The following ZFHX3 variants were observed in gnomAD, a reference collection of about 807,000 sequenced individuals.
ZFHX3 encodes zinc finger homeobox protein 3.
A neutral mutation model predicts 279.1 loss-of-function variants in ZFHX3; 42 were observed. The ratio of observed to expected loss-of-function variants is 0.15; its 90% CI spans 0.12 to 0.19. ZFHX3 has a LOEUF of 0.19. Among genes scored for constraint, ZFHX3 ranks in the 10% least tolerant of loss-of-function variants. The pLI is 1.00. For synonymous variants in ZFHX3, 2,293 were observed against 1,957.8 expected (o/e 1.17, Z -4.52); for missense variants, 4,981 against 4,754.0 (o/e 1.05, Z -1.40).
intron 1 of ZFHX3, among the ~76,000 whole-genome samples, chr16:73,779,036 G>A (rs1959358406): frequency 6.6e-6 from 1 of 151,884 alleles, no homozygotes; most frequent in Non-Finnish European, 1.5e-5. Context: ...AGTGTCCCCA[G>A]CTCCGCCCTA....
chr16:72,794,471 T>G lies in ZFHX3; in HGVS notation c.8211A>C (p.Glu2737Asp). 1 of 1,614,214 alleles carries G rather than the reference T, an allele frequency of 6.2e-7. No homozygotes were observed. The highest frequency in any genetic ancestry group is 8.5e-7 in the Non-Finnish European group (1 of 1,180,040). Reference sequence around the variant, plus strand: ...TTAGGTTGTAGCCAGCTCTCTTGGCTTCATGCCAGTGACGGGACCGGATAT... The same window carrying G: ...TTAGGTTGTAGCCAGCTCTCTTGGCGTCATGCCAGTGACGGGACCGGATAT... ...EAHIRSRHWH[E>D]AKRAGYNLTL... The change falls in exon 9 of 10, where the codon GAA (glutamate) becomes GAC (aspartate). Residue 2737 changes from glutamate to aspartate, a missense_variant. Physicochemically the swap from Glu to Asp is conservative, Grantham distance 45. This residue lies in a region of ZFHX3 where 744 missense variants were observed against 701.3 expected (regional missense o/e 1.06). Transcript: ENST00000268489. This position sits in a 1 kb window ranked among gnomAD's most constrained non-coding sequence, Gnocchi z 4.2.
chr16:73,013,425 C>A (rs983262642), intron 1 of ZFHX3, among the ~76,000 whole-genome samples: 1 of 152,040 alleles, frequency 6.6e-6, no homozygotes, highest in South Asian at 2.1e-4. Flanking sequence ...GTAACTGGGA[C>A]CACAGGCGTG....
intron 2 of ZFHX3, among the ~76,000 whole-genome samples, chr16:73,626,747 C>T (rs2052420860): frequency 6.6e-6 from 1 of 152,192 alleles, no homozygotes; most frequent in Admixed American, 6.5e-5. Flanking sequence ...TCCCATCCCC[C>T]ATTTTTCACT....
intron 5 of ZFHX3, among the ~76,000 whole-genome samples, chr16:73,210,530 C>A (rs1442133293): frequency 6.6e-6 from 1 of 152,162 alleles, no homozygotes; most frequent in Admixed American, 6.5e-5. Context: ...GTTGAAAGTG[C>A]TGTTTTAGGG....
At chr16:73,384,640 C>G (rs2016868280) in intron 3 of ZFHX3, among the ~76,000 whole-genome samples, 1 of 152,196 alleles carries the variant, frequency 6.6e-6, no homozygotes, top group South Asian at 2.1e-4. Flanking sequence ...TGTTTCTCAC[C>G]TCATAGGCCT....
chr16:72,888,737 T>C (rs987090526), intron 4 of ZFHX3, among the ~76,000 whole-genome samples: 1 of 152,150 alleles, frequency 6.6e-6, no homozygotes, highest in African/African-American at 2.4e-5. Flanking sequence ...GCCCAGCAGG[T>C]CCTGGGCTGT....
chr16:73,594,135 C>T (rs2052025889), intron 2 of ZFHX3, among the ~76,000 whole-genome samples: 1 of 152,002 alleles, frequency 6.6e-6, no homozygotes, highest in African/African-American at 2.4e-5. Context: ...TAAAGGAAAT[C>T]TAAATTGAAA....
chr16:73,054,408 C>T (rs1372261209), intron 1 of ZFHX3, among the ~76,000 whole-genome samples: 1 of 142,268 alleles, frequency 7.0e-6, no homozygotes, highest in East Asian at 2.3e-4. Flanking sequence ...AACCCTCCAT[C>T]CCGATACAGG....
At chr16:72,901,104 T>C (rs2039022250) in intron 3 of ZFHX3, among the ~76,000 whole-genome samples, 1 of 152,200 alleles carries the variant, frequency 6.6e-6, no homozygotes, top group African/African-American at 2.4e-5. Context: ...CTATTCATCT[T>C]CCTCTCCCCT....
In ZFHX3 at chr16:73,096,650, C is replaced by A. The variant is rs779829664; in HGVS notation, c.-896-3052G>T. On this transcript the variant is annotated intron_variant, in intron 7 of 17. Coordinates refer to the ZFHX3 transcript ENST00000641206. ...AAACTCCTGACCTCAAGGGATCCAC[C>A]TGCCTCAGCCTCCCCAAATGCTGGG... Among the ~76,000 whole-genome samples, 34 of 151,788 alleles carry A rather than the reference C, an allele frequency of 2.2e-4. 1 individual carries two copies. Among genetic ancestry groups the A allele is most frequent in the Non-Finnish European group, 3.5e-4 (24 of 68,002 alleles).
intron 4 of ZFHX3, among the ~76,000 whole-genome samples, chr16:72,888,083 A>C (rs145016406): frequency 1.3e-5 from 2 of 152,296 alleles, no homozygotes; most frequent in African/African-American, 4.8e-5. Context: ...TATGAGAAGA[A>C]ACATGGAAAT....
At chr16:73,877,735 G>A (rs953000618) in intron 1 of ZFHX3, among the ~76,000 whole-genome samples, 18 of 151,924 alleles carry the variant, frequency 1.2e-4, no homozygotes, top group African/African-American at 3.9e-4. Context: ...GATTTTGTTC[G>A]GAGGAAAAAA....
intron 3 of ZFHX3, among the ~76,000 whole-genome samples, chr16:73,328,260 T>C (rs899244369): frequency 2.6e-5 from 4 of 152,104 alleles, no homozygotes; most frequent in African/African-American, 9.7e-5. Context: ...GAGGTGGTGG[T>C]TGCACAGTCA....
At chr16:73,268,200 G>A (rs931987260) in intron 4 of ZFHX3, among the ~76,000 whole-genome samples, 2 of 152,094 alleles carry the variant, frequency 1.3e-5, no homozygotes, top group African/African-American at 2.4e-5. Flanking sequence ...GAAGCATGGT[G>A]GTATGAGTTA....
rs59939787 is a variant in ZFHX3 at position 72,883,846 on chromosome 16, A to C, written c.3448+5885T>G. ...TAACTTCTCTAGTTAAAAATACTTTAAGTTCCTATACCTTCCCCAAACCCG... is the reference window on the plus strand; with the variant it reads ...TAACTTCTCTAGTTAAAAATACTTTCAGTTCCTATACCTTCCCCAAACCCG... On this transcript the variant is annotated intron_variant, in intron 4 of 9. Transcript: ENST00000268489. Among the ~76,000 whole-genome samples, 1,362 of 152,310 alleles carry C rather than the reference A, an allele frequency of 8.9e-3. 53 individuals carry two copies. In the East Asian group the frequency reaches 0.13, roughly 14 times the overall value.
intron 4 of ZFHX3, among the ~76,000 whole-genome samples, chr16:73,271,768 T>C (rs1280733176): frequency 6.6e-6 from 1 of 152,214 alleles, no homozygotes; most frequent in Non-Finnish European, 1.5e-5. Context: ...GTCCACCCTA[T>C]GCCATGCTTC....
intron 1 of ZFHX3, among the ~76,000 whole-genome samples, chr16:73,840,615 C>A (rs1167034842): frequency 6.6e-6 from 1 of 152,168 alleles, no homozygotes; most frequent in Non-Finnish European, 1.5e-5. Context: ...ATTGCACATT[C>A]AAGGACAGAA....
chr16:72,931,404 T>TAC (rs59696404), intron 3 of ZFHX3, among the ~76,000 whole-genome samples: 10,517 of 119,786 alleles, frequency 0.088, 551 homozygotes, highest in Non-Finnish European at 0.12. Flanking sequence ...TTTATTTCAT[T>TAC]ACACACACAC....
At chr16:73,083,069 G>A (rs1965970156) in intron 8 of ZFHX3, among the ~76,000 whole-genome samples, 1 of 151,578 alleles carries the variant, frequency 6.6e-6, no homozygotes, top group South Asian at 2.1e-4. Context: ...TGGGCTTGGT[G>A]GCGGGTGCCT....
Sources: allele counts gnomAD v4.1 joint callset (sites outside exome capture counted in the v4.1 genomes callset), GRCh38; gene constraint gnomAD v4.1.1; regional missense constraint gnomAD v4.1.1; non-coding constraint Gnocchi (gnomAD v3.1); transcripts MANE v1.5; gene names NCBI Gene and HGNC (gene_info 2026-07-23, HGNC 2026-07-21).